PLPP1: variants seen among roughly 807,000 people sequenced by gnomAD.
PLPP1 encodes phospholipid phosphatase 1.
Under a neutral mutation model 31.2 loss-of-function variants are expected in PLPP1, and 24 were observed. That is an observed-to-expected ratio of 0.77 (90% CI 0.56 to 1.08). The LOEUF is 1.08. PLPP1 is among the 50% of genes least tolerant of loss of function. The pLI, the probability that PLPP1 is intolerant of heterozygous loss-of-function variation, is 0.00. For missense variants in PLPP1, 319 were observed against 342.7 expected (o/e 0.93, Z 0.55); for synonymous variants, 146 against 126.3 (o/e 1.16, Z -1.05).
chr5:55,488,941 A>C (rs1157128236), intron 1 of PLPP1, among the ~76,000 whole-genome samples: 1 of 152,126 alleles, frequency 6.6e-6, no homozygotes, highest in Non-Finnish European at 1.5e-5. Flanking sequence ...AGGCAGGAGA[A>C]TCGCTTGAAC....
At position 55,444,743 on chromosome 5, in the gene PLPP1, T is replaced by TGTGTGTG. The variant is rs368045819; in HGVS notation, c.492-2836_492-2835insCACACAC. The stretch of plus-strand genomic sequence containing the variant: ...AAATCACTATGAATGGGATTCTATT[T>TGTGTGTG]TGTGTGTGTGTGTGTGTGTGTGTGT... On this transcript the variant is annotated intron_variant, in intron 3 of 5. Coordinates refer to ENST00000307259, the MANE Select transcript of PLPP1 (RefSeq NM_003711.4). Among the ~76,000 whole-genome samples the TGTGTGTG allele has an allele frequency of 1.2e-3, 162 of 137,374 alleles. 4 individuals carry two copies. Among genetic ancestry groups the TGTGTGTG allele is most frequent in the Middle Eastern group, 7.8e-3 (2 of 256 alleles). The allele number at this position is 137,374 out of a possible 152,430, so 90.1% of individuals were successfully genotyped here.
intron 4 of PLPP1, among the ~76,000 whole-genome samples, chr5:55,441,180 A>G (rs11741874): frequency 0.61 from 92,260 of 152,070 alleles, 28,855 homozygotes; most frequent in Middle Eastern, 0.71. Context: ...AAAAAACTAC[A>G]TATTCATCTC....
At chr5:55,509,333 A>G (rs1420371534) in intron 1 of PLPP1, among the ~76,000 whole-genome samples, 1 of 152,222 alleles carries the variant, frequency 6.6e-6, no homozygotes, top group African/African-American at 2.4e-5. Context: ...TTTGAGTGTG[A>G]TTCACAGAGA....
chr5:55,526,497 T>C (rs35644428), intron 1 of PLPP1, among the ~76,000 whole-genome samples: 8,273 of 152,242 alleles, frequency 0.054, 318 homozygotes, highest in Non-Finnish European at 0.083. Flanking sequence ...CCCAAGAATA[T>C]GCCAGTTTGA....
At chr5:55,468,526 G>C (rs1340486231) in intron 2 of PLPP1, among the ~76,000 whole-genome samples, 2 of 152,146 alleles carry the variant, frequency 1.3e-5, no homozygotes, top group African/African-American at 4.8e-5. Context: ...TTCCAGCCGG[G>C]TGTGGTGGCT....
chr5:55,504,117 T>C (rs746523886), intron 1 of PLPP1, among the ~76,000 whole-genome samples: 3 of 151,830 alleles, frequency 2.0e-5, no homozygotes, highest in Admixed American at 6.6e-5. Context: ...ACGCCTATAA[T>C]CCCAGCACTT....
chr5:55,444,248 T>C (rs1044754616), intron 3 of PLPP1, among the ~76,000 whole-genome samples: 3 of 152,054 alleles, frequency 2.0e-5, no homozygotes, highest in Admixed American at 2.0e-4. Context: ...TGCCAGCTAA[T>C]GTTTGTATTT....
chr5:55,520,657 A>C (rs1753644096), intron 1 of PLPP1, among the ~76,000 whole-genome samples: 1 of 152,204 alleles, frequency 6.6e-6, no homozygotes, highest in Admixed American at 6.5e-5. Context: ...ATGGAGCTAG[A>C]CTTTAAACCC....
At chr5:55,523,148 T>C (rs774763448) in intron 1 of PLPP1, among the ~76,000 whole-genome samples, 21 of 152,148 alleles carry the variant, frequency 1.4e-4, no homozygotes, top group Admixed American at 4.6e-4. Flanking sequence ...ATGGGATATC[T>C]TGATAGAGGT....
At chr5:55,472,742 GGAAGAAGAGGAAGAGGAA>G (rs57876551) in intron 2 of PLPP1, among the ~76,000 whole-genome samples, 125,186 of 147,844 alleles carry the variant, frequency 0.85, 53,547 homozygotes, top group South Asian at 0.91. Flanking sequence ...AGGAGGAAGA[GGAAGAAGAGGAAGAGGAA>G]GAAGAAGAGG....
intron 1 of PLPP1, among the ~76,000 whole-genome samples, chr5:55,521,096 T>C (rs2081466281): frequency 6.6e-6 from 1 of 152,050 alleles, no homozygotes; most frequent in Admixed American, 6.6e-5. Context: ...CTCATGCCTG[T>C]AATCTCAGCA....
intron 1 of PLPP1, among the ~76,000 whole-genome samples, chr5:55,485,882 T>C (rs1018562800): frequency 3.3e-5 from 5 of 152,160 alleles, no homozygotes; most frequent in African/African-American, 1.2e-4. Flanking sequence ...AACTTACTTA[T>C]TTCCAATTTT....
At chr5:55,464,449 T>C (rs1752240897) in intron 3 of PLPP1, among the ~76,000 whole-genome samples, 1 of 152,172 alleles carries the variant, frequency 6.6e-6, no homozygotes, top group Non-Finnish European at 1.5e-5. Flanking sequence ...TTGGCCAGGC[T>C]GGTCTCGAAA....
At chr5:55,500,102 C>T (rs1371512761) in intron 1 of PLPP1, among the ~76,000 whole-genome samples, 2 of 125,580 alleles carry the variant, frequency 1.6e-5, no homozygotes, top group African/African-American at 3.2e-5. Context: ...TTTTTTGAGA[C>T]AGAGTCTCGC....
chr5:55,440,106 G>A (rs1242272890), intron 4 of PLPP1, among the ~76,000 whole-genome samples: 1 of 152,148 alleles, frequency 6.6e-6, no homozygotes. Context: ...AAAAATAAAA[G>A]TAGTGTAAAA....
intron 4 of PLPP1, among the ~76,000 whole-genome samples, chr5:55,441,224 T>C (rs750053953): frequency 1.4e-4 from 21 of 152,156 alleles, no homozygotes; most frequent in Non-Finnish European, 2.8e-4. Context: ...GTGCAAATCT[T>C]CGTAAGGCCT....
rs773666057 is a variant in PLPP1 at position 55,441,816 on chromosome 5, C to T, written c.549+35G>A. 1.5e-5 allele frequency: 24 copies of T among 1,593,504 alleles called. No individual in the cohort carries two copies. In the African/African-American group the frequency reaches 2.6e-4, roughly 17 times the overall value. Reference sequence around the variant, plus strand: ...CTGAGCACATTAATTCCATGCAGCACATAACCTAACCGTCAACAGACACAA... The same window carrying T: ...CTGAGCACATTAATTCCATGCAGCATATAACCTAACCGTCAACAGACACAA... On this transcript the variant is annotated intron_variant, in intron 4 of 5. Coordinates refer to ENST00000307259, the MANE Select transcript of PLPP1 (RefSeq NM_003711.4).
chr5:55,463,781 A>G (rs1335175905), intron 3 of PLPP1, among the ~76,000 whole-genome samples: 2 of 5,632 alleles, frequency 3.6e-4, no homozygotes, highest in Non-Finnish European at 8.1e-4. Flanking sequence ...ACCCTGTCCC[A>G]TAAATAAATA....
chr5:55,514,389 CA>C (rs34915896), intron 1 of PLPP1, among the ~76,000 whole-genome samples: 111,459 of 143,484 alleles, frequency 0.78, 43,649 homozygotes, highest in Non-Finnish European at 0.87. Flanking sequence ...GACCTGGTCT[CA>C]AAAAAAAAAA....
Sources: allele counts gnomAD v4.1 joint callset (sites outside exome capture counted in the v4.1 genomes callset), GRCh38; gene constraint gnomAD v4.1.1; transcripts MANE v1.5; gene names NCBI Gene and HGNC (gene_info 2026-07-23, HGNC 2026-07-21).